The following HELB variants were observed in gnomAD, a reference collection of about 807,000 sequenced individuals.
HELB encodes DNA helicase B.
Under a neutral mutation model 101.7 loss-of-function variants are expected in HELB, and 96 were observed. The observed-to-expected ratio is 0.94, with a 90% confidence interval of 0.80 to 1.12. The LOEUF is 1.12. Ranked by LOEUF, HELB falls within the 50% of genes most tolerant of loss-of-function variation. HELB has a pLI of 0.00. For synonymous variants in HELB, 437 were observed against 459.7 expected (o/e 0.95, Z 0.63); for missense variants, 1,210 against 1,291.9 (o/e 0.94, Z 0.97).
rs1246579233 is a variant in HELB at position 66,309,841 on chromosome 12, T to C, written c.913T>C (p.Cys305Arg). 1.2e-6 allele frequency: 2 copies of C among 1,614,144 alleles called. No homozygotes were observed. The highest frequency in any genetic ancestry group is 1.7e-5 in the Admixed American group (1 of 60,026). Reference protein sequence around the residue: ...LIMYSRLKQICREDGHTYVEV... With the variant: ...LIMYSRLKQIRREDGHTYVEV... ...AATGTATTCCAGACTGAAGCAGATA[T>C]GTAGAGAAGATGGGCACACATATGT... Residue 305 changes from cysteine (C) to arginine (R), a missense_variant, in exon 4 of 13, where the codon TGT becomes CGT. Physicochemically the swap from Cys to Arg is radical, Grantham distance 180. Coordinates refer to ENST00000247815, the MANE Select transcript of HELB (RefSeq NM_001370285.1).
chr12:66,331,152 AG>A lies in HELB; in HGVS notation c.2673del. 6.3e-7 allele frequency: 1 copy of A among 1,592,686 alleles called. No homozygotes were observed. Among genetic ancestry groups the A allele is most frequent in the Non-Finnish European group, 8.6e-7 (1 of 1,168,490 alleles). On this transcript the variant is annotated splice_acceptor_variant, in intron 11 of 12. Coordinates refer to ENST00000247815, the MANE Select transcript of HELB (RefSeq NM_001370285.1). LOFTEE classifies it high-confidence loss of function. The stretch of plus-strand genomic sequence containing the variant: ...GTCTTCACACCATATTTTTCCTGCC[AG>A]GGGTCCGAGGAGCAAACAGTTGTCT...
intron 10 of HELB, chr12:66,324,617 C>G: frequency 3.7e-6 from 1 of 269,200 alleles, no homozygotes; most frequent in Non-Finnish European, 7.1e-6. Flanking sequence ...TATTTGTTCT[C>G]ACAGTGTAGA....
At chr12:66,337,050 TTAA>T (rs1376151998) in intron 12 of HELB, among the ~76,000 whole-genome samples, 1 of 152,188 alleles carries the variant, frequency 6.6e-6, no homozygotes, top group Non-Finnish European at 1.5e-5. Context: ...CTGATGGGAC[TTAA>T]TGATCAGTTG....
At chr12:66,310,647 G>T in intron 4 of HELB, 39 bp downstream of exon 4, 1 of 1,566,080 alleles carries the variant, frequency 6.4e-7, no homozygotes, top group Non-Finnish European at 8.7e-7. Flanking sequence ...TAAAACATTT[G>T]TCGGCCGGGC....
chr12:66,306,483 G>A lies in HELB; in HGVS notation c.746G>A (p.Gly249Asp), dbSNP rs762577023. Residue 249 changes from glycine to aspartate, a missense_variant, in exon 3 of 13, where the codon GGT becomes GAT. Gly to Asp is a moderately conservative substitution (Grantham distance 94, BLOSUM62 -1). Transcript: ENST00000247815. ...EMLKEIEEILGTHPWKLGFSK... is the reference protein window; with the variant it reads ...EMLKEIEEILDTHPWKLGFSK... ...TTGAAAGAGATAGAAGAGATTTTAGGTACACATCCGTGGAAACTTGGATTT... is the reference window on the plus strand; with the variant it reads ...TTGAAAGAGATAGAAGAGATTTTAGATACACATCCGTGGAAACTTGGATTT... The A allele has an allele frequency of 2.5e-6, 4 of 1,592,330 alleles. No homozygotes were observed. Among genetic ancestry groups the A allele is most frequent in the Non-Finnish European group, 3.4e-6 (4 of 1,170,072 alleles).
At position 66,310,621 on chromosome 12, in the gene HELB, A is replaced by C; in HGVS notation, c.1680+13A>C. 6.3e-7 allele frequency: 1 copy of C among 1,595,596 alleles called. No homozygotes were observed. The highest frequency in any genetic ancestry group is 8.5e-7 in the Non-Finnish European group (1 of 1,172,574). ...CACACTGTGTCAGGTAAAACCTTTG[A>C]CATTTCATCTGTAGATAAAACATTT... is the stretch of plus-strand genomic sequence containing the variant. On this transcript the variant is annotated intron_variant, in intron 4 of 12. Transcript: ENST00000247815.
chr12:66,312,548 A>G (rs1332459229), intron 4 of HELB, among the ~76,000 whole-genome samples: 2 of 152,196 alleles, frequency 1.3e-5, no homozygotes, highest in Non-Finnish European at 2.9e-5. Flanking sequence ...CTATGCCTTC[A>G]TGTCTGATTA....
intron 6 of HELB, among the ~76,000 whole-genome samples, chr12:66,317,080 C>T (rs1565639296): frequency 6.6e-6 from 1 of 151,412 alleles, no homozygotes; most frequent in Non-Finnish European, 1.5e-5. Flanking sequence ...ACCTGTAATC[C>T]CAGCTAGTCG....
In HELB at chr12:66,325,142, T is replaced by C; in HGVS notation, c.2670+16T>C. 2.0e-6 allele frequency: 3 copies of C among 1,533,562 alleles called. No individual in the cohort carries two copies. Among genetic ancestry groups the C allele is most frequent in the Non-Finnish European group, 2.7e-6 (3 of 1,117,774 alleles). 95.0% of individuals were successfully genotyped at this position (1,533,562 alleles called of 1,614,324 possible). ...CACTTTTCAGGTAAGAGGAGACTTTTATCAAACCTTTTAAATAATTTACCA... is the reference window on the plus strand; with the variant it reads ...CACTTTTCAGGTAAGAGGAGACTTTCATCAAACCTTTTAAATAATTTACCA... On this transcript the variant is annotated intron_variant, in intron 11 of 12. Transcript: ENST00000247815.
intron 12 of HELB, among the ~76,000 whole-genome samples, chr12:66,334,297 C>G (rs1176899219): frequency 6.6e-6 from 1 of 151,774 alleles, no homozygotes; most frequent in African/African-American, 2.4e-5. Flanking sequence ...TCCATCTCTA[C>G]AAAAATAGTA....
intron 2 of HELB, among the ~76,000 whole-genome samples, 200 bp from the exon 3 acceptor site, chr12:66,306,145 T>G (rs1018223614): frequency 2.6e-5 from 4 of 152,248 alleles, no homozygotes; most frequent in African/African-American, 9.6e-5. Flanking sequence ...AATTTTGGTG[T>G]TAAACACAAT....
intron 13 of HELB, chr12:66,343,235 A>G (rs997554237): frequency 2.0e-5 from 3 of 152,216 alleles, no homozygotes; most frequent in African/African-American, 7.2e-5. Context: ...AACTATTGCC[A>G]TTTTAACAGT....
At chr12:66,338,956 C>T (rs1019908524), downstream of HELB, 1 of 152,132 alleles carries the variant, frequency 6.6e-6, no homozygotes, top group Non-Finnish European at 1.5e-5. Context: ...GAATATGTTC[C>T]ACTTAGGAAG....
At chr12:66,305,578 C>CA (rs1345661688) in intron 2 of HELB, among the ~76,000 whole-genome samples, 3 of 151,636 alleles carry the variant, frequency 2.0e-5, no homozygotes, top group Non-Finnish European at 4.4e-5. Flanking sequence ...CTTGTCTCTA[C>CA]AAAAAATTTT....
intron 3 of HELB, among the ~76,000 whole-genome samples, chr12:66,308,583 G>A (rs1162641192): frequency 6.6e-6 from 1 of 152,160 alleles, no homozygotes; most frequent in African/African-American, 2.4e-5. Context: ...GAGGCTACAA[G>A]TCTGAGATCA....
chr12:66,323,687 C>A (rs2053700542), intron 9 of HELB, among the ~76,000 whole-genome samples: 1 of 152,022 alleles, frequency 6.6e-6, no homozygotes, highest in Admixed American at 6.5e-5. Flanking sequence ...TTTGTGTTAA[C>A]CTTTAGAATA....
Position 66,302,684 on chromosome 12 carries a change from C to T in HELB, c.81C>T (p.Asp27=). 1 of 1,614,130 alleles carries T rather than the reference C, an allele frequency of 6.2e-7. No homozygotes were observed. Among genetic ancestry groups the T allele is most frequent in the Non-Finnish European group, 8.5e-7 (1 of 1,179,980 alleles). Residue 27 remains aspartate (D), a synonymous_variant, in exon 1 of 13, where the codon GAC becomes GAT. Coordinates refer to ENST00000247815, the MANE Select transcript of HELB (RefSeq NM_001370285.1). ...GGGATCTGGTGGAGGAGGACGACGA[C>T]TACCTAAACGACGACGTGGAGGAGG... The part of the protein sequence containing the change: ...PPRDLVEEDD[D]YLNDDVEEDE...
At chr12:66,342,541 A>AT (rs374059180), downstream of HELB, 21 of 149,718 alleles carry the variant, frequency 1.4e-4, no homozygotes, top group Non-Finnish European at 2.7e-4. Context: ...TGCCTGGCTA[A>AT]TTTTTTTTTG....
intron 11 of HELB, among the ~76,000 whole-genome samples, chr12:66,328,847 T>C (rs187085698): frequency 2.6e-5 from 4 of 152,346 alleles, no homozygotes; most frequent in Admixed American, 1.3e-4. Flanking sequence ...AATACAGGTA[T>C]ATTATTAACA....
Sources: allele counts gnomAD v4.1 joint callset (sites outside exome capture counted in the v4.1 genomes callset), GRCh38; gene constraint gnomAD v4.1.1; transcripts MANE v1.5; gene names NCBI Gene and HGNC (gene_info 2026-07-23, HGNC 2026-07-21).